Variants in PCCA observed in about 807,000 individuals in gnomAD.
The protein encoded by PCCA is propionyl-CoA carboxylase subunit alpha.
A neutral mutation model predicts 101.3 loss-of-function variants in PCCA; 74 were observed. The ratio of observed to expected loss-of-function variants is 0.73; its 90% CI spans 0.61 to 0.89. The LOEUF (loss-of-function observed/expected upper bound fraction) is 0.89, where lower values mean the gene tolerates loss of function less well. Among genes scored for constraint, PCCA ranks in the 40% least tolerant of loss-of-function variants. The pLI is 0.00. For synonymous variants in PCCA, 294 were observed against 313.6 expected (o/e 0.94, Z 0.66); for missense variants, 891 against 907.0 (o/e 0.98, Z 0.23).
At position 100,102,762 on chromosome 13, in the gene PCCA, C is replaced by T. The variant is rs1594089067; in HGVS notation, c.106-121C>T. On this transcript the variant is annotated intron_variant, in intron 1 of 23. Coordinates refer to ENST00000376285, the MANE Select transcript of PCCA (RefSeq NM_000282.4). Reference sequence around the variant, plus strand: ...TTGTAATTATATTTATGGTATATTGCCTAGAACTACATTTATTGATCAGAC... The same window carrying T: ...TTGTAATTATATTTATGGTATATTGTCTAGAACTACATTTATTGATCAGAC... 1.3e-5 allele frequency: 9 copies of T among 707,930 alleles called. No homozygotes were observed. In the East Asian group the frequency reaches 2.4e-4, roughly 19 times the overall value. 43.9% of individuals were successfully genotyped at this position (707,930 alleles called of 1,614,324 possible).
At chr13:100,506,198 G>A (rs1055805674) in intron 21 of PCCA, among the ~76,000 whole-genome samples, 3 of 151,996 alleles carry the variant, frequency 2.0e-5, no homozygotes, top group Admixed American at 1.3e-4. Flanking sequence ...TTCTCCCATG[G>A]CTCTCCAGGA....
At chr13:100,142,572 C>CAAGTGAT (rs1161527351) in intron 4 of PCCA, among the ~76,000 whole-genome samples, 4 of 150,550 alleles carry the variant, frequency 2.7e-5, no homozygotes, top group Non-Finnish European at 5.9e-5. Context: ...CTCCTGGGTT[C>CAAGTGAT]AAGTGATTCT....
In PCCA at chr13:100,283,720, G is replaced by T. The variant is rs961724342; in HGVS notation, c.1065+10374G>T. On this transcript the variant is annotated intron_variant, in intron 12 of 23. Coordinates refer to ENST00000376285, the MANE Select transcript of PCCA (RefSeq NM_000282.4). ...GGAAAAGCGAGATCAGAGAAAGGCC[G>T]CAGCCTTAGTCATGGCCCTCAGACA... 1.3e-5 allele frequency among the ~76,000 whole-genome samples: 2 copies of T among 151,168 alleles called. 1 individual carries two copies. The highest frequency in any genetic ancestry group is 4.9e-5 in the African/African-American group (2 of 41,210).
intron 7 of PCCA, among the ~76,000 whole-genome samples, chr13:100,227,090 G>A (rs2060186983): frequency 6.6e-6 from 1 of 152,012 alleles, no homozygotes; most frequent in African/African-American, 2.4e-5. Context: ...TGCAACCTCC[G>A]CCTCCTGAGT....
At chr13:100,278,571 C>A (rs1174901409) in intron 12 of PCCA, among the ~76,000 whole-genome samples, 1 of 151,962 alleles carries the variant, frequency 6.6e-6, no homozygotes, top group Non-Finnish European at 1.5e-5. Context: ...CCTCCGCCTC[C>A]CGGGTTCAGG....
At chr13:100,445,312 A>G (rs998564569) in intron 20 of PCCA, among the ~76,000 whole-genome samples, 5 of 152,192 alleles carry the variant, frequency 3.3e-5, no homozygotes, top group African/African-American at 4.8e-5. Flanking sequence ...TAAACTTTCA[A>G]ACTTTCACAC....
At chr13:100,108,033 C>T (rs2047973276) in intron 2 of PCCA, among the ~76,000 whole-genome samples, 1 of 152,122 alleles carries the variant, frequency 6.6e-6, no homozygotes, top group Admixed American at 6.5e-5. Context: ...ACCCAGTGTC[C>T]AGAGTTCTGC....
At chr13:100,244,534 T>G (rs967443285) in intron 8 of PCCA, among the ~76,000 whole-genome samples, 1 of 152,200 alleles carries the variant, frequency 6.6e-6, no homozygotes, top group Non-Finnish European at 1.5e-5. Context: ...TTTTCCTTTT[T>G]CTATTACTCT....
intron 6 of PCCA, 85 bp downstream of exon 6, chr13:100,157,425 G>A: frequency 2.2e-6 from 2 of 899,616 alleles, no homozygotes; most frequent in Non-Finnish European, 3.7e-6. Context: ...GGGTAGTGAT[G>A]GATTATAGAA....
chr13:100,526,321 C>T (rs987161522), intron 22 of PCCA, among the ~76,000 whole-genome samples: 9 of 152,328 alleles, frequency 5.9e-5, no homozygotes, highest in African/African-American at 7.2e-5. Context: ...AAGGGCAGCG[C>T]GGGCAGCGCT....
chr13:100,440,186 ATATATATATATATATATATATAT>A (rs1566308210), intron 20 of PCCA, among the ~76,000 whole-genome samples: 15 of 121,144 alleles, frequency 1.2e-4, no homozygotes, highest in African/African-American at 2.8e-4. Flanking sequence ...ATATATATAT[ATATATATATATATATATATATAT>A]AAAACGTGAT....
At chr13:100,355,461 C>T (rs887466614) in intron 18 of PCCA, among the ~76,000 whole-genome samples, 1 of 151,920 alleles carries the variant, frequency 6.6e-6, no homozygotes, top group Non-Finnish European at 1.5e-5. Flanking sequence ...CTAATGAGTC[C>T]TGGAAGGATA....
intron 11 of PCCA, among the ~76,000 whole-genome samples, chr13:100,272,033 G>A (rs1057168980): frequency 6.6e-6 from 1 of 152,174 alleles, no homozygotes; most frequent in Non-Finnish European, 1.5e-5. Context: ...AGTAGTTAAT[G>A]TTTTGTTTCT....
chr13:100,170,416 G>T (rs1282272738), intron 6 of PCCA, among the ~76,000 whole-genome samples: 2 of 152,170 alleles, frequency 1.3e-5, no homozygotes, highest in African/African-American at 2.4e-5. Flanking sequence ...TCTAAAACAG[G>T]CAAAGAAGCA....
intron 20 of PCCA, among the ~76,000 whole-genome samples, chr13:100,440,156 T>TTATATATATATATATA (rs398024171): frequency 3.2e-5 from 3 of 92,832 alleles, no homozygotes; most frequent in Non-Finnish European, 4.4e-5. Flanking sequence ...GAGTATTAAA[T>TTATATATATATATATA]TATATATATA....
intron 19 of PCCA, among the ~76,000 whole-genome samples, chr13:100,408,083 C>T (rs1257052220): frequency 6.6e-6 from 1 of 152,158 alleles, no homozygotes; most frequent in Non-Finnish European, 1.5e-5. Flanking sequence ...ACCCAGGAGG[C>T]AAAGCTTGCA....
At chr13:100,288,959 A>C (rs956793293) in intron 12 of PCCA, among the ~76,000 whole-genome samples, 1 of 152,096 alleles carries the variant, frequency 6.6e-6, no homozygotes, top group African/African-American at 2.4e-5. Context: ...TTTACTTCCC[A>C]GTGTTGTTTC....
At chr13:100,307,345 ATCATAAGC>A in intron 15 of PCCA, 85 bp downstream of exon 15, 1 of 901,016 alleles carries the variant, frequency 1.1e-6, no homozygotes, top group South Asian at 1.4e-5. Flanking sequence ...CTTTATCTGA[ATCATAAGC>A]TATAATTAAA....
intron 7 of PCCA, among the ~76,000 whole-genome samples, chr13:100,228,014 G>T (rs1377008773): frequency 6.6e-6 from 1 of 151,916 alleles, no homozygotes; most frequent in Admixed American, 6.6e-5. Context: ...TTTTATATTT[G>T]ACTTTTTCTT....
Sources: gnomAD v4.1 joint callset for allele counts (sites outside exome capture counted in the v4.1 genomes callset) on GRCh38, gnomAD v4.1.1 for gene constraint, MANE v1.5 for transcripts, NCBI Gene and HGNC (gene_info 2026-07-23, HGNC 2026-07-21) for gene names.